ZBTB7C: variants seen among roughly 807,000 people sequenced by gnomAD.
The protein encoded by ZBTB7C is zinc finger and BTB domain containing 7C, also known as zinc finger and BTB domain-containing protein 7C.
Under a neutral mutation model 25.7 loss-of-function variants are expected in ZBTB7C, and 8 were observed. The ratio of observed to expected loss-of-function variants is 0.31; its 90% CI spans 0.18 to 0.56. ZBTB7C has a LOEUF of 0.56. Among genes scored for constraint, ZBTB7C ranks in the 20% least tolerant of loss-of-function variants. The pLI, the probability that ZBTB7C is intolerant of heterozygous loss-of-function variation, is 0.91. For synonymous variants in ZBTB7C, 394 were observed against 369.0 expected (o/e 1.07, Z -0.78); for missense variants, 824 against 855.2 (o/e 0.96, Z 0.46).
rs550223672 is a variant in ZBTB7C at position 48,091,884 on chromosome 18, G to A, written c.-16-50761C>T. 2.6e-5 allele frequency among the ~76,000 whole-genome samples: 4 copies of A among 152,294 alleles called. No individual in the cohort carries two copies. The South Asian group carries it at 6.2e-4, about 24-fold the overall frequency. ...CGTTTATCCCATTTGGCAGAGTCCA[G>A]TGCTCTGTGTATTCACACTTAGGCC... On this transcript the variant is annotated intron_variant, in intron 3 of 4. Transcript: ENST00000590800.
chr18:48,299,470 G>T (rs899940199), intron 2 of ZBTB7C, among the ~76,000 whole-genome samples: 1 of 152,230 alleles, frequency 6.6e-6, no homozygotes, highest in Non-Finnish European at 1.5e-5. Flanking sequence ...TGAGGAAAAT[G>T]AGGGGAAGTA....
chr18:48,079,479 G>A (rs2037899223), intron 3 of ZBTB7C, among the ~76,000 whole-genome samples: 1 of 152,244 alleles, frequency 6.6e-6, no homozygotes, highest in Non-Finnish European at 1.5e-5. Flanking sequence ...AATGGGCCCA[G>A]GGTCCACCTC....
chr18:48,265,903 C>T (rs145675340), intron 2 of ZBTB7C, among the ~76,000 whole-genome samples: 417 of 152,252 alleles, frequency 2.7e-3, no homozygotes, highest in African/African-American at 9.6e-3. Flanking sequence ...ACTTGCACAA[C>T]GTAATGAGGG....
At chr18:48,094,886 C>G (rs943907725) in intron 3 of ZBTB7C, among the ~76,000 whole-genome samples, 5 of 152,168 alleles carry the variant, frequency 3.3e-5, no homozygotes, top group African/African-American at 1.2e-4. Context: ...GGATGCAGCT[C>G]TGGGGAAACA....
At chr18:48,167,739 C>A (rs1271843620) in intron 3 of ZBTB7C, among the ~76,000 whole-genome samples, 1 of 152,182 alleles carries the variant, frequency 6.6e-6, no homozygotes, top group Non-Finnish European at 1.5e-5. Flanking sequence ...TCTGGTTACC[C>A]GAGTTTCTTG....
chr18:48,079,414 C>T (rs533844859), intron 3 of ZBTB7C, among the ~76,000 whole-genome samples: 1 of 152,346 alleles, frequency 6.6e-6, no homozygotes, highest in African/African-American at 2.4e-5. Flanking sequence ...AAGGGAGGCA[C>T]CCACTATCCC....
Position 48,029,646 on chromosome 18 carries a change from G to A in ZBTB7C, c.1474C>T (p.Leu492Phe), listed in dbSNP as rs772974714. ...GGGGCCGGGCCGCCGGGCCCGAAGA[G>A]CAGGCTGGCGGCCCTCCACGCAGCA... is the stretch of plus-strand genomic sequence containing the variant. ...KPAAWRAASL[L>F]FGPGGPAPDK... is the part of the protein sequence containing the mutation. The change falls in exon 5 of 5, where the codon CTC becomes TTC. Residue 492 changes from leucine (L) to phenylalanine (F), a missense_variant. Leu to Phe is a conservative substitution (Grantham distance 22). This residue lies in a region of ZBTB7C where 342 missense variants were observed against 307.0 expected (regional missense o/e 1.11). Transcript: ENST00000590800. 2 of 1,539,844 alleles carry A rather than the reference G, an allele frequency of 1.3e-6. No individual in the cohort carries two copies. The highest frequency in any genetic ancestry group is 2.4e-5 in the South Asian group (2 of 84,258).
intron 4 of ZBTB7C, among the ~76,000 whole-genome samples, chr18:48,037,159 A>G (rs186142207): frequency 1.3e-5 from 2 of 152,304 alleles, no homozygotes; most frequent in African/African-American, 4.8e-5. Flanking sequence ...AGCTTGTCTG[A>G]TCTTTTTCGG....
chr18:48,399,424 T>G (rs1483437165), intron 1 of ZBTB7C, among the ~76,000 whole-genome samples: 1 of 152,214 alleles, frequency 6.6e-6, no homozygotes, highest in Non-Finnish European at 1.5e-5. Flanking sequence ...TAGGAAAACA[T>G]AAAAGAGAAA....
intron 2 of ZBTB7C, among the ~76,000 whole-genome samples, chr18:48,334,426 A>C (rs2046415082): frequency 6.6e-6 from 1 of 152,176 alleles, no homozygotes; most frequent in African/African-American, 2.4e-5. Flanking sequence ...GAGAAGGGGC[A>C]TCTTTTAAAT....
chr18:48,361,307 A>G (rs1011483906), intron 1 of ZBTB7C, among the ~76,000 whole-genome samples: 1 of 152,210 alleles, frequency 6.6e-6, no homozygotes, highest in African/African-American at 2.4e-5. Flanking sequence ...CAATGATCCT[A>G]TAAGACAGGC....
chr18:48,364,451 C>T (rs758395449), intron 1 of ZBTB7C, among the ~76,000 whole-genome samples: 5 of 152,070 alleles, frequency 3.3e-5, no homozygotes, highest in Non-Finnish European at 4.4e-5. Context: ...GCAAAGAGTA[C>T]AGGAAATTCC....
At chr18:48,120,097 G>GC (rs1338399339) in intron 3 of ZBTB7C, among the ~76,000 whole-genome samples, 1 of 152,186 alleles carries the variant, frequency 6.6e-6, no homozygotes, top group Non-Finnish European at 1.5e-5. Flanking sequence ...TCTGGGTACA[G>GC]CCCTCTGACT....
intron 4 of ZBTB7C, among the ~76,000 whole-genome samples, chr18:48,037,596 G>A (rs970096937): frequency 3.3e-5 from 5 of 152,240 alleles, no homozygotes; most frequent in South Asian, 4.1e-4. Context: ...GCTGTGCGTG[G>A]GGAAGGCCCA....
chr18:48,278,328 C>T (rs1000700744), intron 2 of ZBTB7C, among the ~76,000 whole-genome samples: 2 of 152,212 alleles, frequency 1.3e-5, no homozygotes, highest in Non-Finnish European at 2.9e-5. Flanking sequence ...AAGAGCATCT[C>T]CAAGGCCCCA....
At chr18:48,370,831 A>T (rs931963781) in intron 1 of ZBTB7C, among the ~76,000 whole-genome samples, 4 of 152,152 alleles carry the variant, frequency 2.6e-5, no homozygotes, top group African/African-American at 7.2e-5. Context: ...GGCCTCATCC[A>T]GTCTCCTGTA....
At chr18:48,124,082 T>C (rs1300604965) in intron 3 of ZBTB7C, among the ~76,000 whole-genome samples, 1 of 152,192 alleles carries the variant, frequency 6.6e-6, no homozygotes, top group African/African-American at 2.4e-5. Context: ...GACCTGGGGA[T>C]CATAGGCTGG....
chr18:48,306,200 T>G (rs2045670310), intron 2 of ZBTB7C, among the ~76,000 whole-genome samples: 1 of 152,100 alleles, frequency 6.6e-6, no homozygotes, highest in Admixed American at 6.5e-5. Flanking sequence ...GGGCTGAGGG[T>G]GGGTGATCTC....
chr18:48,264,803 T>C (rs1217142616), intron 2 of ZBTB7C, among the ~76,000 whole-genome samples: 2 of 152,142 alleles, frequency 1.3e-5, no homozygotes, highest in African/African-American at 4.8e-5. Context: ...GGGCAGCCTG[T>C]AGAATTTTCT....
Sources: allele counts gnomAD v4.1 joint callset (sites outside exome capture counted in the v4.1 genomes callset), GRCh38; gene constraint gnomAD v4.1.1; regional missense constraint gnomAD v4.1.1; transcripts MANE v1.5; gene names NCBI Gene and HGNC (gene_info 2026-07-23, HGNC 2026-07-21).